The following QTRT2 variants were observed in gnomAD, a reference collection of about 807,000 sequenced individuals.
The protein encoded by QTRT2 is queuine tRNA-ribosyltransferase accessory subunit 2.
QTRT2 carries 32 observed loss-of-function variants against 44.8 expected under a neutral mutation model. The ratio of observed to expected loss-of-function variants is 0.71; its 90% confidence interval spans 0.54 to 0.96. The LOEUF is 0.96. Among genes scored for constraint, QTRT2 ranks in the 40% least tolerant of loss-of-function variants. The pLI is 0.00. For missense variants in QTRT2, 461 were observed against 503.1 expected, an observed-to-expected ratio of 0.92 and a Z score of 0.80; for synonymous variants, 182 against 187.4, an observed-to-expected ratio of 0.97 and a Z score of 0.24.
chr3:114,072,416 G>A (rs984847863), intron 6 of QTRT2, among the ~76,000 whole-genome samples: 2 of 152,220 alleles, frequency 1.3e-5, no homozygotes, highest in Non-Finnish European at 2.9e-5. Flanking sequence ...GCCTCCCGAA[G>A]TGCCATGTGT....
chr3:114,069,826 TATA>T (rs1278851624), intron 5 of QTRT2, among the ~76,000 whole-genome samples: 1 of 152,184 alleles, frequency 6.6e-6, no homozygotes, highest in Non-Finnish European at 1.5e-5. Flanking sequence ...ATTACTAATA[TATA>T]CTCTCTTGAA....
rs2076797000 is a variant in QTRT2, at chr3:114,056,845, G to A, written c.-149G>A. ...TTTGAGGGGTCTGAAGACTGAAAGA[G>A]TCGAATGGTTTGTTGGCAGGTAAGT... On this transcript the variant is annotated 5_prime_UTR_variant, in exon 1 of 10. Coordinates refer to ENST00000281273, the MANE Select transcript of QTRT2 (RefSeq NM_024638.4). The A allele has an allele frequency of 2.0e-6, 3 of 1,535,906 alleles. No individual in the cohort carries two copies. Among genetic ancestry groups the A allele is most frequent in the Non-Finnish European group, 2.6e-6 (3 of 1,146,774 alleles).
chr3:114,082,618 T>C (rs1221720539), intron 8 of QTRT2, 59 bp from the exon 9 acceptor site: 2 of 617,084 alleles, frequency 3.2e-6, no homozygotes, highest in Non-Finnish European at 5.7e-6. Context: ...ATAAAATGTT[T>C]CCAATGGCCA....
At chr3:114,062,406 CAG>C (rs2076900602) in intron 2 of QTRT2, among the ~76,000 whole-genome samples, 2 of 145,108 alleles carry the variant, frequency 1.4e-5, no homozygotes, top group African/African-American at 2.5e-5. Flanking sequence ...AAAAAGAATA[CAG>C]GCCTTTTGCA....
chr3:114,073,741 G>C (rs564342105), intron 6 of QTRT2, among the ~76,000 whole-genome samples: 1 of 140,794 alleles, frequency 7.1e-6, no homozygotes, highest in African/African-American at 2.7e-5. Context: ...TTATTGTCTT[G>C]ACATGATTAT....
intron 6 of QTRT2, among the ~76,000 whole-genome samples, chr3:114,072,724 A>G (rs1052598482): frequency 2.0e-5 from 3 of 152,060 alleles, no homozygotes; most frequent in South Asian, 2.1e-4. Context: ...TCTTCTCCAT[A>G]TATTACCTGG....
intron 2 of QTRT2, among the ~76,000 whole-genome samples, chr3:114,059,372 G>C (rs1559945236): frequency 6.6e-6 from 1 of 152,198 alleles, no homozygotes; most frequent in Non-Finnish European, 1.5e-5. Flanking sequence ...TTTGGAGACT[G>C]TTGATCTGTT....
intron 7 of QTRT2, 39 bp from the exon 8 acceptor site, chr3:114,079,867 A>G: frequency 6.2e-7 from 1 of 1,600,456 alleles, no homozygotes; most frequent in Non-Finnish European, 8.5e-7. Flanking sequence ...CCTTCCTTGC[A>G]TTGTCCTCAT....
chr3:114,071,860 C>T (rs755932868), intron 6 of QTRT2, among the ~76,000 whole-genome samples: 11 of 152,150 alleles, frequency 7.2e-5, no homozygotes, highest in Non-Finnish European at 1.5e-4. Flanking sequence ...GCTCCTTGCC[C>T]ACTTCCCTAA....
intron 7 of QTRT2, chr3:114,077,976 G>A (rs1358049511): frequency 6.6e-6 from 1 of 152,124 alleles, no homozygotes; most frequent in Non-Finnish European, 1.5e-5. Context: ...GCCCCCCAAA[G>A]TGCTGGGATT....
chr3:114,060,010 C>G (rs1221158276), intron 2 of QTRT2, among the ~76,000 whole-genome samples: 1 of 152,200 alleles, frequency 6.6e-6, no homozygotes, highest in East Asian at 1.9e-4. Flanking sequence ...ATCTCTGCCT[C>G]TAAGAACATG....
intron 6 of QTRT2, among the ~76,000 whole-genome samples, chr3:114,075,351 C>T (rs1000527576): frequency 4.6e-5 from 7 of 152,040 alleles, no homozygotes; most frequent in Non-Finnish European, 1.0e-4. Flanking sequence ...TTCATATTTA[C>T]GTATTGTACC....
chr3:114,070,817 G>A lies in QTRT2; in HGVS notation c.525G>A (p.Leu175=), dbSNP rs1394925453. Residue 175 remains leucine (L), a synonymous_variant, in exon 6 of 10, where the codon CTG becomes CTA. Coordinates refer to ENST00000281273, the MANE Select transcript of QTRT2 (RefSeq NM_024638.4). ...CACTTCTTTTCTTGGATAACTGTCTGCGGCTGCAGGAAGAGTCAGAGGTAA... is the reference window on the plus strand; with the variant it reads ...CACTTCTTTTCTTGGATAACTGTCTACGGCTGCAGGAAGAGTCAGAGGTAA... ...DRSLLFLDNC[L]RLQEESEVLQ... 6.2e-7 allele frequency: 1 copy of A among 1,613,872 alleles called. No homozygotes were observed. The highest frequency in any genetic ancestry group is 8.5e-7 in the Non-Finnish European group (1 of 1,179,932).
rs779034281 is a variant in QTRT2, at chr3:114,079,950, T to C, written c.791T>C (p.Ile264Thr). 23 of 1,613,982 alleles carry C rather than the reference T, an allele frequency of 1.4e-5. 1 individual carries two copies. In the South Asian group the frequency reaches 2.5e-4, roughly 18 times the overall value. Reference protein sequence around the residue: ...VSRPDEVLECIERGVDLFESF... With the variant: ...VSRPDEVLECTERGVDLFESF... ...CGGCCAGATGAGGTGCTCGAGTGTA[T>C]TGAAAGAGGAGTGGACTTATTTGAG... The change falls in exon 8 of 10, where the codon ATT (isoleucine) becomes ACT (threonine). Residue 264 changes from isoleucine to threonine, a missense_variant. By Grantham distance (89) the Ile-to-Thr change is moderately conservative. Transcript: ENST00000281273.
intron 2 of QTRT2, among the ~76,000 whole-genome samples, chr3:114,063,431 A>G (rs2076913201): frequency 6.6e-6 from 1 of 152,210 alleles, no homozygotes; most frequent in Non-Finnish European, 1.5e-5. Flanking sequence ...GTTTTCTTAA[A>G]TGAACCTTCT....
chr3:114,080,131 G>A, intron 8 of QTRT2, 74 bp downstream of exon 8: 1 of 1,237,378 alleles, frequency 8.1e-7, no homozygotes, highest in Non-Finnish European at 1.1e-6. Context: ...TGAGTCACAA[G>A]ACAGAAATAT....
chr3:114,077,614 C>CT (rs1370737649), intron 7 of QTRT2: 1 of 151,158 alleles, frequency 6.6e-6, no homozygotes, highest in African/African-American at 2.4e-5. Flanking sequence ...AATATTCATG[C>CT]TTTTTTCCTG....
intron 6 of QTRT2, among the ~76,000 whole-genome samples, chr3:114,076,426 C>T (rs1314785336): frequency 6.6e-6 from 1 of 152,206 alleles, no homozygotes; most frequent in African/African-American, 2.4e-5. Flanking sequence ...CCTGCCTCGG[C>T]TTCCCAAAGT....
intron 6 of QTRT2, among the ~76,000 whole-genome samples, chr3:114,074,835 G>A (rs13070378): frequency 0.22 from 33,514 of 152,084 alleles, 4,452 homozygotes; most frequent in Middle Eastern, 0.36. Context: ...TTTTCATTTA[G>A]CAATATCCTG....
Sources: gnomAD v4.1 joint callset for allele counts (sites outside exome capture counted in the v4.1 genomes callset) on GRCh38, gnomAD v4.1.1 for gene constraint, MANE v1.5 for transcripts, NCBI Gene and HGNC (gene_info 2026-07-23, HGNC 2026-07-21) for gene names.